DENND11: variants seen among roughly 807,000 people sequenced by gnomAD.
DENND11 encodes DENN domain containing 11.
Under a neutral mutation model 49.2 loss-of-function variants are expected in DENND11, and 34 were observed. The ratio of observed to expected loss-of-function variants is 0.69; its 90% CI spans 0.53 to 0.92. The LOEUF is 0.92. Among genes scored for constraint, DENND11 ranks in the 40% least tolerant of loss-of-function variants. The pLI is 0.00. For synonymous variants in DENND11, 238 were observed against 230.3 expected (o/e 1.03, Z -0.30); for missense variants, 475 against 581.6 (o/e 0.82, Z 1.88).
At position 141,685,643 on chromosome 7, in the gene DENND11, G is replaced by A; in HGVS notation, c.369-7C>T. Reference sequence around the variant, plus strand: ...GGGCCCCTTTCGGAAATAGCTAGAAGAGACCAAATACGTAGTGTGGCTCAA... The same window carrying A: ...GGGCCCCTTTCGGAAATAGCTAGAAAAGACCAAATACGTAGTGTGGCTCAA... On this transcript the variant is annotated splice_polypyrimidine_tract_variant and splice_region_variant and intron_variant, in intron 2 of 8. Transcript: ENST00000536163. The A allele has an allele frequency of 6.2e-7, 1 of 1,613,816 alleles. No individual in the cohort carries two copies. Among genetic ancestry groups the A allele is most frequent in the Non-Finnish European group, 8.5e-7 (1 of 1,179,842 alleles).
At position 141,665,254 on chromosome 7, in the gene DENND11, G is replaced by T. The variant is rs1255438361; in HGVS notation, c.885C>A (p.Ser295=). The T allele has an allele frequency of 6.2e-7, 1 of 1,613,644 alleles. No individual in the cohort carries two copies. Among genetic ancestry groups the T allele is most frequent in the African/African-American group, 1.3e-5 (1 of 74,924 alleles). Reference sequence around the variant, plus strand: ...CCACGTTCACGTAGAAGAAAGGTTTGGACTCAGGAATGGTGCCCCCGATGC... The same window carrying T: ...CCACGTTCACGTAGAAGAAAGGTTTTGACTCAGGAATGGTGCCCCCGATGC... The part of the protein sequence containing the change: ...LPGIGGTIPE[S]KPFFYVNVAD... Residue 295 remains serine, a synonymous_variant, in exon 6 of 9, where the codon TCC becomes TCA. Coordinates refer to ENST00000536163, the MANE Select transcript of DENND11 (RefSeq NM_001080392.2).
chr7:141,679,606 G>T (rs575837650), intron 3 of DENND11, among the ~76,000 whole-genome samples: 1 of 152,090 alleles, frequency 6.6e-6, no homozygotes, highest in Non-Finnish European at 1.5e-5. Context: ...CAGCTACTCT[G>T]GAGGCTGAGG....
At chr7:141,668,960 CACTCCAATTTCTTTTT>C (rs1797935730) in intron 4 of DENND11, among the ~76,000 whole-genome samples, 1 of 152,190 alleles carries the variant, frequency 6.6e-6, no homozygotes, top group African/African-American at 2.4e-5. Context: ...ATCCTCTTTT[CACTCCAATTTCTTTTT>C]ACTCCCTAAC....
At chr7:141,673,654 A>C (rs181375510) in intron 4 of DENND11, among the ~76,000 whole-genome samples, 125 of 152,366 alleles carry the variant, frequency 8.2e-4, no homozygotes, top group African/African-American at 2.9e-3. Context: ...AAATAGGCAT[A>C]TTCTAGTACC....
At chr7:141,670,138 T>A (rs1049687084) in intron 4 of DENND11, among the ~76,000 whole-genome samples, 2 of 150,386 alleles carry the variant, frequency 1.3e-5, no homozygotes, top group African/African-American at 5.0e-5. Context: ...AGTACTGTCA[T>A]TTTTTTTTCC....
At chr7:141,685,176 G>A (rs999692263) in intron 3 of DENND11, among the ~76,000 whole-genome samples, 3 of 151,456 alleles carry the variant, frequency 2.0e-5, no homozygotes, top group African/African-American at 4.9e-5. Context: ...TAACTATTGC[G>A]GCTTTGCATA....
At chr7:141,673,407 C>A (rs75242945) in intron 4 of DENND11, among the ~76,000 whole-genome samples, 115 of 152,292 alleles carry the variant, frequency 7.6e-4, no homozygotes, top group African/African-American at 2.5e-3. Context: ...ATCAGCATTC[C>A]TCACTTTCCA....
At chr7:141,700,278 T>A (rs778320463) in intron 1 of DENND11, among the ~76,000 whole-genome samples, 1 of 152,146 alleles carries the variant, frequency 6.6e-6, no homozygotes, top group African/African-American at 2.4e-5. Context: ...GGGTACAGTA[T>A]AAGCAATATG....
At chr7:141,674,937 G>A (rs1410337323) in intron 3 of DENND11, among the ~76,000 whole-genome samples, 4 of 152,214 alleles carry the variant, frequency 2.6e-5, no homozygotes, top group East Asian at 3.9e-4. Flanking sequence ...CCAGTGGAGC[G>A]CAGGAGCACT....
At chr7:141,682,574 A>C (rs1286206967) in intron 3 of DENND11, among the ~76,000 whole-genome samples, 3 of 152,232 alleles carry the variant, frequency 2.0e-5, no homozygotes, top group Non-Finnish European at 4.4e-5. Context: ...GCAGCTTTTA[A>C]CATTTGGGAA....
At position 141,659,666 on chromosome 7, in the gene DENND11, T is replaced by G. The variant is rs1170838767; in HGVS notation, c.*2990A>C. ...CAATCATTTCCAAACTGGCACATAG[T>G]TCATTTCACAGTGTGGCATGAGATC... On this transcript the variant is annotated 3_prime_UTR_variant, in exon 9 of 9. Transcript: ENST00000536163. The G allele has an allele frequency of 2.6e-5, 4 of 152,296 alleles. No homozygotes were observed. Among genetic ancestry groups the G allele is most frequent in the African/African-American group, 9.6e-5 (4 of 41,464 alleles). The allele number at this position is 152,296 out of a possible 1,614,324, so 9.4% of individuals were successfully genotyped here.
Position 141,662,029 on chromosome 7 carries a change from T to C in DENND11, c.*627A>G, listed in dbSNP as rs528109577. ...CAGGCTTCATTCTATAATTTTAGTT[T>C]TCAGCTCACTGATAAGCAACCTCTT... On this transcript the variant is annotated 3_prime_UTR_variant, in exon 9 of 9. Coordinates refer to ENST00000536163, the MANE Select transcript of DENND11 (RefSeq NM_001080392.2). 1.3e-5 allele frequency: 2 copies of C among 152,334 alleles called. No individual in the cohort carries two copies. The highest frequency in any genetic ancestry group is 4.8e-5 in the African/African-American group (2 of 41,570). 9.4% of individuals were successfully genotyped at this position (152,334 alleles called of 1,614,324 possible).
At position 141,660,847 on chromosome 7, in the gene DENND11, T is replaced by C. The variant is rs1797779883; in HGVS notation, c.*1809A>G. 6.6e-6 allele frequency: 1 copy of C among 152,630 alleles called. No homozygotes were observed. Among genetic ancestry groups the C allele is most frequent in the Non-Finnish European group, 1.5e-5 (1 of 68,054 alleles). 9.5% of individuals were successfully genotyped at this position (152,630 alleles called of 1,614,324 possible). A position where few individuals can be genotyped will look rare whatever the true frequency, so the allele number is the denominator to read the frequency against. The stretch of plus-strand genomic sequence containing the variant: ...CTTCAACCTCGAAACACAGATTTTT[T>C]TTTCTTTTGTAAACATACACATTAC... On this transcript the variant is annotated 3_prime_UTR_variant, in exon 9 of 9. Transcript: ENST00000536163.
Position 141,702,142 on chromosome 7 carries a change from C to A in DENND11, c.12G>T (p.Gln4His), listed in dbSNP as rs1469787594. Reference sequence around the variant, plus strand: ...AGCGCAGCAGCGGCGCCGCGTCTCCCTGCTCCACCATGGCTAGGCGAGGCG... The same window carrying A: ...AGCGCAGCAGCGGCGCCGCGTCTCCATGCTCCACCATGGCTAGGCGAGGCG... The part of the protein sequence containing the change: MVE[Q>H]GDAAPLLRWA... Residue 4 changes from glutamine (Q) to histidine (H), a missense_variant, in exon 1 of 9, where the codon CAG becomes CAT. By Grantham distance (24) the Gln-to-His change is conservative. Coordinates refer to ENST00000536163, the MANE Select transcript of DENND11 (RefSeq NM_001080392.2). 21 of 982,698 alleles carry A rather than the reference C, an allele frequency of 2.1e-5. No homozygotes were observed. Among genetic ancestry groups the A allele is most frequent in the Non-Finnish European group, 7.2e-6 (6 of 829,764 alleles). 60.9% of individuals were successfully genotyped at this position (982,698 alleles called of 1,614,324 possible). A position where few individuals can be genotyped will look rare whatever the true frequency, so the allele number is the denominator to read the frequency against.
intron 7 of DENND11, among the ~76,000 whole-genome samples, chr7:141,664,478 G>A (rs55991456): frequency 0.12 from 17,928 of 152,152 alleles, 1,426 homozygotes; most frequent in East Asian, 0.35. Flanking sequence ...TGATGATGAT[G>A]ATACTTATTT....
chr7:141,700,476 TGAA>T (rs1798492545), intron 1 of DENND11, among the ~76,000 whole-genome samples: 1 of 140,148 alleles, frequency 7.1e-6, no homozygotes. Flanking sequence ...AGACACTGTC[TGAA>T]AAAAAAAAAA....
In DENND11 at chr7:141,702,136, G is replaced by C. The variant is rs1010942726; in HGVS notation, c.18C>G (p.Asp6Glu). The change falls in exon 1 of 9, where the codon GAC becomes GAG. Residue 6 changes from aspartate (D) to glutamate (E), a missense_variant. Coordinates refer to ENST00000536163, the MANE Select transcript of DENND11 (RefSeq NM_001080392.2). ...CGGCCCAGCGCAGCAGCGGCGCCGC[G>C]TCTCCCTGCTCCACCATGGCTAGGC... MVEQG[D>E]AAPLLRWAEG... 1.9e-5 allele frequency: 19 copies of C among 982,810 alleles called. No individual in the cohort carries two copies. Among genetic ancestry groups the C allele is most frequent in the Non-Finnish European group, 2.3e-5 (19 of 829,806 alleles). The allele number at this position is 982,810 out of a possible 1,614,324, so 60.9% of individuals were successfully genotyped here.
At chr7:141,668,662 G>A (rs1207950136) in intron 4 of DENND11, among the ~76,000 whole-genome samples, 1 of 152,212 alleles carries the variant, frequency 6.6e-6, no homozygotes, top group Non-Finnish European at 1.5e-5. Flanking sequence ...GCAGGTAAGA[G>A]GCAACATGGC....
intron 3 of DENND11, among the ~76,000 whole-genome samples, chr7:141,675,188 G>A (rs1297823562): frequency 6.6e-6 from 1 of 152,122 alleles, no homozygotes; most frequent in Non-Finnish European, 1.5e-5. Context: ...GCAGGTGAAC[G>A]TGACGACAGA....
Sources: gnomAD v4.1 joint callset for allele counts (sites outside exome capture counted in the v4.1 genomes callset) on GRCh38, gnomAD v4.1.1 for gene constraint, MANE v1.5 for transcripts, NCBI Gene and HGNC (gene_info 2026-07-23, HGNC 2026-07-21) for gene names.